BRINP3: variants seen among roughly 807,000 people sequenced by gnomAD.
BRINP3 encodes BMP/retinoic acid-inducible neural-specific protein 3.
Under a neutral mutation model 71.0 loss-of-function variants are expected in BRINP3, and 19 were observed. The observed-to-expected ratio is 0.27, with a 90% CI of 0.19 to 0.39. BRINP3 has a LOEUF of 0.39. Among genes scored for constraint, BRINP3 ranks in the 10% least tolerant of loss-of-function variants. The pLI is 1.00. For synonymous variants in BRINP3, 380 were observed against 337.7 expected, an observed-to-expected ratio of 1.13 and a Z score of -1.37; for missense variants, 959 against 940.8, an observed-to-expected ratio of 1.02 and a Z score of -0.25.
chr1:190,428,165 A>G (rs1437748558), intron 2 of BRINP3, among the ~76,000 whole-genome samples: 1 of 152,004 alleles, frequency 6.6e-6, no homozygotes, highest in Non-Finnish European at 1.5e-5. Context: ...TTGGCAATAA[A>G]GAGGAAGAGA....
In BRINP3 at chr1:190,103,324, C is replaced by T. The variant is rs146962697; in HGVS notation, c.1185-4190G>A. ...GGATATAACAGGTAAAACCCACCTA[C>T]GACAGAGTCTTACACTGGGTAAATG... On this transcript the variant is annotated intron_variant, in intron 7 of 7. Coordinates refer to ENST00000367462, the MANE Select transcript of BRINP3 (RefSeq NM_199051.3). Among the ~76,000 whole-genome samples the T allele has an allele frequency of 2.3e-3, 347 of 152,156 alleles. 1 individual carries two copies. Among genetic ancestry groups the T allele is most frequent in the African/African-American group, 7.8e-3 (324 of 41,552 alleles).
chr1:190,368,937 T>A (rs1669683369), intron 2 of BRINP3, among the ~76,000 whole-genome samples: 1 of 152,132 alleles, frequency 6.6e-6, no homozygotes, highest in Non-Finnish European at 1.5e-5. Context: ...CTGTAACTGG[T>A]TACAGAAAAT....
At chr1:190,412,457 T>TTTTGTTTTG (rs1672742844) in intron 2 of BRINP3, among the ~76,000 whole-genome samples, 1 of 131,070 alleles carries the variant, frequency 7.6e-6, no homozygotes, top group Admixed American at 7.5e-5. Flanking sequence ...TTTTGTTTTG[T>TTTTGTTTTG]TTTTTTTTGT....
At chr1:190,228,039 GA>G (rs779810915) in intron 5 of BRINP3, among the ~76,000 whole-genome samples, 4 of 151,882 alleles carry the variant, frequency 2.6e-5, no homozygotes, top group Non-Finnish European at 5.9e-5. Flanking sequence ...ACTAGGGAAA[GA>G]AATTAAGGTA....
chr1:190,143,221 C>G (rs1391486843), intron 7 of BRINP3, among the ~76,000 whole-genome samples: 1 of 152,160 alleles, frequency 6.6e-6, no homozygotes, highest in Non-Finnish European at 1.5e-5. Flanking sequence ...CAGCAAAACT[C>G]AGACTGAAGT....
intron 2 of BRINP3, among the ~76,000 whole-genome samples, chr1:190,311,097 C>G (rs777464346): frequency 6.6e-6 from 1 of 151,648 alleles, no homozygotes; most frequent in African/African-American, 2.4e-5. Context: ...CTTTCTGACT[C>G]TGGGTTGGAG....
intron 4 of BRINP3, among the ~76,000 whole-genome samples, chr1:190,255,590 C>T (rs1182839304): frequency 6.6e-6 from 1 of 152,136 alleles, no homozygotes; most frequent in Non-Finnish European, 1.5e-5. Flanking sequence ...ATAGTATTCT[C>T]AGATGGTAGT....
At chr1:190,117,511 T>C (rs1279918993) in intron 7 of BRINP3, among the ~76,000 whole-genome samples, 1 of 152,046 alleles carries the variant, frequency 6.6e-6, no homozygotes, top group Non-Finnish European at 1.5e-5. Flanking sequence ...TTGTTTTATA[T>C]GTTTTATCTA....
intron 7 of BRINP3, among the ~76,000 whole-genome samples, chr1:190,115,864 G>C (rs1339309812): frequency 6.6e-6 from 1 of 152,026 alleles, no homozygotes; most frequent in African/African-American, 2.4e-5. Flanking sequence ...TTTCTATTTG[G>C]CTTTCTTTTT....
chr1:190,464,138 T>G (rs190920209), intron 1 of BRINP3, among the ~76,000 whole-genome samples: 11 of 95,378 alleles, frequency 1.2e-4, no homozygotes, highest in Non-Finnish European at 1.6e-4. Flanking sequence ...TCAAAAAGTG[T>G]TTTTTTTTAA....
intron 6 of BRINP3, among the ~76,000 whole-genome samples, chr1:190,175,065 G>T (rs1464295205): frequency 2.6e-5 from 4 of 152,102 alleles, no homozygotes; most frequent in African/African-American, 9.7e-5. Flanking sequence ...CCGATGCTTT[G>T]CAGACTCCTG....
intron 2 of BRINP3, among the ~76,000 whole-genome samples, chr1:190,374,089 A>T (rs1670036660): frequency 6.6e-6 from 1 of 151,852 alleles, no homozygotes; most frequent in South Asian, 2.1e-4. Context: ...AAGCAAATAT[A>T]ATTTACCTGG....
At chr1:190,366,295 C>A (rs186503213) in intron 2 of BRINP3, among the ~76,000 whole-genome samples, 1 of 152,150 alleles carries the variant, frequency 6.6e-6, no homozygotes, top group Admixed American at 6.6e-5. Context: ...AAGGTGGCAG[C>A]AAAGAGAAGT....
chr1:190,420,500 C>A (rs1673305699), intron 2 of BRINP3, among the ~76,000 whole-genome samples: 2 of 151,906 alleles, frequency 1.3e-5, no homozygotes, highest in Admixed American at 1.3e-4. Context: ...GTGATCCATT[C>A]ATTACCCTCT....
chr1:190,448,183 C>A (rs941888425), intron 2 of BRINP3, among the ~76,000 whole-genome samples: 5 of 151,580 alleles, frequency 3.3e-5, no homozygotes, highest in African/African-American at 4.8e-5. Context: ...GTTTTCTGAG[C>A]AAACAGTTTA....
chr1:190,417,897 G>A (rs1342646586), intron 2 of BRINP3, among the ~76,000 whole-genome samples: 1 of 152,092 alleles, frequency 6.6e-6, no homozygotes, highest in African/African-American at 2.4e-5. Flanking sequence ...CAAGATGATT[G>A]ATAGCTATTA....
At chr1:190,352,426 A>G (rs1571834661) in intron 2 of BRINP3, among the ~76,000 whole-genome samples, 3 of 151,980 alleles carry the variant, frequency 2.0e-5, no homozygotes, top group Non-Finnish European at 4.4e-5. Flanking sequence ...TGCAATGAGA[A>G]AGACAGTATC....
At chr1:190,282,121 A>C (rs1663087085) in intron 2 of BRINP3, among the ~76,000 whole-genome samples, 1 of 152,008 alleles carries the variant, frequency 6.6e-6, no homozygotes, top group African/African-American at 2.4e-5. Context: ...GAAAAAAAGA[A>C]TGATTTATAT....
chr1:190,149,916 G>A (rs1266493206), intron 7 of BRINP3, among the ~76,000 whole-genome samples: 2 of 151,998 alleles, frequency 1.3e-5, no homozygotes, highest in Non-Finnish European at 2.9e-5. Flanking sequence ...GTTCTTTTGT[G>A]ATGTTCTATT....
Sources: allele counts gnomAD v4.1 joint callset (sites outside exome capture counted in the v4.1 genomes callset), GRCh38; gene constraint gnomAD v4.1.1; transcripts MANE v1.5; gene names NCBI Gene and HGNC (gene_info 2026-07-23, HGNC 2026-07-21).